The following NALF1 variants were observed in gnomAD, a reference collection of about 807,000 sequenced individuals.
NALF1 encodes NALCN channel auxiliary factor 1, also known as family with sequence similarity 155 member A.
In NALF1, 3 loss-of-function variants were observed where a neutral mutation model predicts 48.4. The observed-to-expected ratio is 0.06, with a 90% CI of 0.03 to 0.16. The LOEUF (loss-of-function observed/expected upper bound fraction) is 0.16, where lower values mean the gene tolerates loss of function less well. NALF1 is among the 10% of genes least tolerant of loss of function. The pLI is 1.00. For synonymous variants in NALF1, 262 were observed against 245.7 expected (o/e 1.07, Z -0.62); for missense variants, 526 against 571.5 (o/e 0.92, Z 0.81).
intron 1 of NALF1, among the ~76,000 whole-genome samples, chr13:107,317,136 TA>T (rs1882166209): frequency 6.6e-6 from 1 of 152,132 alleles, no homozygotes; most frequent in Non-Finnish European, 1.5e-5. Context: ...AAATAATACT[TA>T]GTTTTACACT....
At chr13:107,343,306 G>A (rs1397777754) in intron 1 of NALF1, among the ~76,000 whole-genome samples, 2 of 152,164 alleles carry the variant, frequency 1.3e-5, no homozygotes, top group Non-Finnish European at 2.9e-5. Flanking sequence ...AAGGGAAATT[G>A]ATATGGTTTG....
chr13:107,609,525 C>T (rs1347571728), intron 1 of NALF1, among the ~76,000 whole-genome samples: 1 of 152,144 alleles, frequency 6.6e-6, no homozygotes, highest in Admixed American at 6.5e-5. Context: ...CTGGTCTGAG[C>T]CTTGCACAGC....
intron 1 of NALF1, among the ~76,000 whole-genome samples, chr13:107,763,304 C>T (rs1017171809): frequency 1.3e-5 from 2 of 151,924 alleles, no homozygotes; most frequent in Non-Finnish European, 2.9e-5. Flanking sequence ...AATAGCGACT[C>T]CAGTAAATTA....
chr13:107,322,816 T>G (rs2138915467), intron 1 of NALF1, among the ~76,000 whole-genome samples: 1 of 152,212 alleles, frequency 6.6e-6, no homozygotes, highest in South Asian at 2.1e-4. Flanking sequence ...ATTCATAAAT[T>G]ACCTCCTTTC....
At chr13:107,197,545 G>T (rs1879419149) in intron 2 of NALF1, among the ~76,000 whole-genome samples, 1 of 152,110 alleles carries the variant, frequency 6.6e-6, no homozygotes, top group African/African-American at 2.4e-5. Flanking sequence ...GAAAGTCCCT[G>T]CCTGCTTCTT....
chr13:107,792,990 C>T (rs990546569), intron 1 of NALF1, among the ~76,000 whole-genome samples: 9 of 152,132 alleles, frequency 5.9e-5, no homozygotes, highest in African/African-American at 2.2e-4. Context: ...GATTCTGTAG[C>T]TCCAATGTCC....
chr13:107,706,935 T>TC, intron 1 of NALF1, among the ~76,000 whole-genome samples: 1 of 143,130 alleles, frequency 7.0e-6, no homozygotes, highest in Non-Finnish European at 1.5e-5. Flanking sequence ...TTTTTTTTTT[T>TC]TTTTTGAGAC....
At chr13:107,537,291 C>G (rs1344524701) in intron 1 of NALF1, among the ~76,000 whole-genome samples, 1 of 151,938 alleles carries the variant, frequency 6.6e-6, no homozygotes, top group Non-Finnish European at 1.5e-5. Context: ...AATTTGGAAA[C>G]TAACTTAAAC....
chr13:107,812,767 G>T (rs1330327703), intron 1 of NALF1, among the ~76,000 whole-genome samples: 1 of 149,762 alleles, frequency 6.7e-6, no homozygotes, highest in African/African-American at 2.5e-5. Flanking sequence ...TAATGAGAGG[G>T]TTTTTGTTGT....
chr13:107,818,597 G>A (rs993802477), intron 1 of NALF1, among the ~76,000 whole-genome samples: 2 of 151,494 alleles, frequency 1.3e-5, no homozygotes, highest in East Asian at 3.9e-4. Flanking sequence ...TTGAGGCCGG[G>A]CGCGGTGGCT....
intron 1 of NALF1, among the ~76,000 whole-genome samples, chr13:107,287,424 G>C (rs1881516849): frequency 6.6e-6 from 1 of 152,148 alleles, no homozygotes; most frequent in Admixed American, 6.5e-5. Flanking sequence ...GTGGCCTCCT[G>C]TGCCTCTTCA....
chr13:107,822,638 T>C (rs1040941739), intron 1 of NALF1, among the ~76,000 whole-genome samples: 1 of 152,222 alleles, frequency 6.6e-6, no homozygotes, highest in Non-Finnish European at 1.5e-5. Flanking sequence ...TGATAAATCA[T>C]GAATACTGTA....
At chr13:107,531,029 T>C (rs1876613810) in intron 1 of NALF1, 1 of 153,404 alleles carries the variant, frequency 6.5e-6, no homozygotes, top group African/African-American at 2.4e-5. Context: ...TATATATATA[T>C]ATATACATCT....
At chr13:107,197,775 T>G (rs1005760402) in intron 2 of NALF1, among the ~76,000 whole-genome samples, 3 of 152,232 alleles carry the variant, frequency 2.0e-5, no homozygotes, top group South Asian at 2.1e-4. Flanking sequence ...CGCAAATTGA[T>G]GGAGCTCTTG....
chr13:107,586,003 T>C (rs1594143555), intron 1 of NALF1, among the ~76,000 whole-genome samples: 1 of 152,086 alleles, frequency 6.6e-6, no homozygotes, highest in African/African-American at 2.4e-5. Context: ...ATGTGAAAAG[T>C]TGAGATCTGG....
chr13:107,786,687 G>A (rs1387457853), intron 1 of NALF1, among the ~76,000 whole-genome samples: 5 of 151,860 alleles, frequency 3.3e-5, no homozygotes, highest in Admixed American at 1.3e-4. Flanking sequence ...AGCCAAGATC[G>A]CGCCACTGCA....
intron 1 of NALF1, among the ~76,000 whole-genome samples, chr13:107,692,476 A>C (rs944703425): frequency 6.6e-6 from 1 of 152,238 alleles, no homozygotes; most frequent in Non-Finnish European, 1.5e-5. Context: ...TTGAGAAATC[A>C]AATCTAAATT....
chr13:107,823,473 C>T (rs1879417090), intron 1 of NALF1, among the ~76,000 whole-genome samples: 1 of 152,144 alleles, frequency 6.6e-6, no homozygotes, highest in African/African-American at 2.4e-5. Context: ...ATCTCTTCAC[C>T]ACGGCCAAGA....
chr13:107,212,024 G>T (rs928827420), intron 1 of NALF1, among the ~76,000 whole-genome samples: 1 of 152,170 alleles, frequency 6.6e-6, no homozygotes, highest in Non-Finnish European at 1.5e-5. Context: ...GTTCCTAATA[G>T]TTATCCTATA....
Sources: allele counts gnomAD v4.1 joint callset (sites outside exome capture counted in the v4.1 genomes callset), GRCh38; gene constraint gnomAD v4.1.1; transcripts MANE v1.5; gene names NCBI Gene and HGNC (gene_info 2026-07-23, HGNC 2026-07-21).